Variants in MAP3K1 observed in about 807,000 individuals in gnomAD.
MAP3K1 encodes MAP/ERK kinase kinase 1.
In MAP3K1, 36 loss-of-function variants were observed where a neutral mutation model predicts 144.2. The ratio of observed to expected loss-of-function variants is 0.25; its 90% CI spans 0.19 to 0.33. MAP3K1 has a LOEUF of 0.33. Among genes scored for constraint, MAP3K1 ranks in the 10% least tolerant of loss-of-function variants. The pLI is 1.00. For missense variants in MAP3K1, 1,650 were observed against 1,881.9 expected (o/e 0.88, Z 2.28); for synonymous variants, 718 against 688.7 (o/e 1.04, Z -0.67).
chr5:56,848,545 C>T (rs911781418), intron 1 of MAP3K1, among the ~76,000 whole-genome samples: 4 of 152,196 alleles, frequency 2.6e-5, no homozygotes, highest in African/African-American at 7.2e-5. Context: ...AGAATTTACC[C>T]TTTCCTTGTC....
chr5:56,844,360 T>C (rs1041521770), intron 1 of MAP3K1, among the ~76,000 whole-genome samples: 4 of 151,766 alleles, frequency 2.6e-5, no homozygotes, highest in Non-Finnish European at 5.9e-5. Flanking sequence ...TTTGTATTTT[T>C]AGTAGAGACG....
intron 1 of MAP3K1, among the ~76,000 whole-genome samples, chr5:56,837,309 TG>T (rs1746684739): frequency 6.6e-6 from 1 of 152,132 alleles, no homozygotes; most frequent in African/African-American, 2.4e-5. Flanking sequence ...ATTATAGACA[TG>T]GGTAAGTTCC....
At chr5:56,831,339 G>A (rs1482430369) in intron 1 of MAP3K1, among the ~76,000 whole-genome samples, 3 of 152,088 alleles carry the variant, frequency 2.0e-5, no homozygotes, top group Non-Finnish European at 4.4e-5. Flanking sequence ...AGGGAGAGCA[G>A]GGGGTAGAAA....
intron 1 of MAP3K1, among the ~76,000 whole-genome samples, chr5:56,834,475 A>C (rs1172145442): frequency 6.6e-6 from 1 of 152,144 alleles, no homozygotes; most frequent in South Asian, 2.1e-4. Context: ...CTGCCTGTTA[A>C]TTTGCTTTTG....
chr5:56,867,154 T>G (rs1378437921), intron 6 of MAP3K1, among the ~76,000 whole-genome samples: 8 of 152,178 alleles, frequency 5.3e-5, no homozygotes, highest in Admixed American at 3.9e-4. Flanking sequence ...TGAGTGACAT[T>G]TCTGTAACTT....
chr5:56,882,704 AGAT>A lies in MAP3K1; in HGVS notation c.3509_3511del (p.Asp1170del). On this transcript the variant is annotated inframe_deletion, in exon 14 of 20. Coordinates refer to ENST00000399503, the MANE Select transcript of MAP3K1 (RefSeq NM_005921.2). ...AGGCTGAAAATGATGATACCTACAA[AGAT>A]GATGTGAATCATAATCAAAAGTGCA... 2 of 1,614,096 alleles carry A rather than the reference AGAT, an allele frequency of 1.2e-6. No homozygotes were observed. The highest frequency in any genetic ancestry group is 1.7e-6 in the Non-Finnish European group (2 of 1,180,002).
At chr5:56,847,673 CAAG>C (rs1406231021) in intron 1 of MAP3K1, among the ~76,000 whole-genome samples, 1 of 152,136 alleles carries the variant, frequency 6.6e-6, no homozygotes, top group African/African-American at 2.4e-5. Context: ...TATTTGTGGT[CAAG>C]AAAGATGCCT....
intron 11 of MAP3K1, among the ~76,000 whole-genome samples, chr5:56,879,796 G>A (rs1003075152): frequency 6.6e-6 from 1 of 152,156 alleles, no homozygotes; most frequent in African/African-American, 2.4e-5. Flanking sequence ...ACTGTGAACA[G>A]TTATTTGGTA....
chr5:56,880,704 T>C lies in MAP3K1; in HGVS notation c.2088-7T>C, dbSNP rs2111937114. 1 of 1,610,354 alleles carries C rather than the reference T, an allele frequency of 6.2e-7. No individual in the cohort carries two copies. Among genetic ancestry groups the C allele is most frequent in the South Asian group, 1.1e-5 (1 of 90,988 alleles). On this transcript the variant is annotated splice_polypyrimidine_tract_variant and splice_region_variant and intron_variant, in intron 11 of 19. Transcript: ENST00000399503. ...CAGGATTGATGTTGCTTTTCCTTTG[T>C]TTTTAGCCGCACAAGTCAGCTGTCC...
At chr5:56,892,742 G>C (rs252899) in intron 19 of MAP3K1, among the ~76,000 whole-genome samples, 114,176 of 152,060 alleles carry the variant, frequency 0.75, 43,432 homozygotes, top group Non-Finnish European at 0.82. Flanking sequence ...CACAAATAGG[G>C]AGATATGCAA....
intron 1 of MAP3K1, among the ~76,000 whole-genome samples, chr5:56,842,435 C>T (rs1001941492): frequency 6.6e-6 from 1 of 152,178 alleles, no homozygotes; most frequent in Admixed American, 6.5e-5. Context: ...GGACTCTTAC[C>T]TTGTAGCTTT....
chr5:56,838,345 C>T (rs1204109976), intron 1 of MAP3K1, among the ~76,000 whole-genome samples: 1 of 152,092 alleles, frequency 6.6e-6, no homozygotes, highest in Non-Finnish European at 1.5e-5. Context: ...TCTTTTGAAG[C>T]ATATAGCAGG....
chr5:56,869,882 C>T (rs1450005877), intron 6 of MAP3K1, among the ~76,000 whole-genome samples: 1 of 152,098 alleles, frequency 6.6e-6, no homozygotes, highest in Non-Finnish European at 1.5e-5. Flanking sequence ...AGTTTTTCCC[C>T]ATCCTAAGTA....
rs950314074 is a variant in MAP3K1, at chr5:56,872,879, G to A, written c.1560G>A (p.Gln520=). 6.2e-7 allele frequency: 1 copy of A among 1,614,140 alleles called. No homozygotes were observed. The highest frequency in any genetic ancestry group is 1.3e-5 in the African/African-American group (1 of 75,038). ...CTTCTTCCCTCAGAGCTGCACAGCA[G>A]CAAACCGTACAGCAGCAGCCTTTGG... ...DSPSSLRAAQ[Q]QTVQQQPLAG... Residue 520 remains glutamine, a synonymous_variant, in exon 9 of 20, where the codon CAG becomes CAA. Transcript: ENST00000399503.
intron 1 of MAP3K1, among the ~76,000 whole-genome samples, chr5:56,846,204 A>G (rs1303884000): frequency 1.3e-5 from 2 of 152,232 alleles, no homozygotes; most frequent in African/African-American, 2.4e-5. Context: ...ATTTCTGTTC[A>G]GGTCTGACCA....
chr5:56,854,786 C>A (rs1397506881), intron 1 of MAP3K1, among the ~76,000 whole-genome samples: 2 of 152,248 alleles, frequency 1.3e-5, no homozygotes, highest in Non-Finnish European at 1.5e-5. Flanking sequence ...AGAGAGATAG[C>A]TAGGACCAGA....
chr5:56,863,344 A>G (rs62358104), intron 3 of MAP3K1, among the ~76,000 whole-genome samples: 15,104 of 152,110 alleles, frequency 0.099, 1,219 homozygotes, highest in East Asian at 0.35. Flanking sequence ...CCACTAATCT[A>G]TTTTCTCTAT....
In MAP3K1 at chr5:56,888,221, T is replaced by C. The variant is rs761483754; in HGVS notation, c.4258-5T>C. On this transcript the variant is annotated splice_polypyrimidine_tract_variant and splice_region_variant and intron_variant, in intron 18 of 19. Coordinates refer to ENST00000399503, the MANE Select transcript of MAP3K1 (RefSeq NM_005921.2). ...TATTTCCAAATTAACTCTGATTTATTTTAGGTACTAAGAGGTCAACAGTAT... is the reference window on the plus strand; with the variant it reads ...TATTTCCAAATTAACTCTGATTTATCTTAGGTACTAAGAGGTCAACAGTAT... 5 of 1,613,256 alleles carry C rather than the reference T, an allele frequency of 3.1e-6. No homozygotes were observed. In the Admixed American group the frequency reaches 8.3e-5, roughly 27 times the overall value.
chr5:56,891,914 A>T (rs1405999646), intron 19 of MAP3K1, among the ~76,000 whole-genome samples: 1 of 152,154 alleles, frequency 6.6e-6, no homozygotes, highest in African/African-American at 2.4e-5. Flanking sequence ...TGGCACCAGT[A>T]CCATGCTGTT....
Sources: gnomAD v4.1 joint callset for allele counts (sites outside exome capture counted in the v4.1 genomes callset) on GRCh38, gnomAD v4.1.1 for gene constraint, MANE v1.5 for transcripts, NCBI Gene and HGNC (gene_info 2026-07-23, HGNC 2026-07-21) for gene names.